RHBDL2: variants seen among roughly 807,000 people sequenced by gnomAD.
The protein encoded by RHBDL2 is rhomboid like 2, also known as rhomboid-related protein 2.
In RHBDL2, 26 loss-of-function variants were observed where a neutral mutation model predicts 31.7. The observed-to-expected ratio is 0.82, with a 90% confidence interval of 0.60 to 1.14. The LOEUF is 1.14. Among genes scored for constraint, RHBDL2 ranks in the 50% most tolerant of loss-of-function variants. The probability of loss-of-function intolerance (pLI) is 0.00; values close to 1 mark genes in which losing one functional copy is unlikely to be tolerated. For synonymous variants in RHBDL2, 123 were observed against 127.2 expected (o/e 0.97, Z 0.22); for missense variants, 336 against 364.4 (o/e 0.92, Z 0.63).
At chr1:38,911,107 G>C (rs1643135277) in intron 4 of RHBDL2, among the ~76,000 whole-genome samples, 3 of 152,174 alleles carry the variant, frequency 2.0e-5, no homozygotes, top group African/African-American at 7.2e-5. Context: ...ACCCTGTCTT[G>C]AGTGTGAGAT....
chr1:38,916,209 C>T (rs891344909), intron 2 of RHBDL2, among the ~76,000 whole-genome samples: 1 of 152,200 alleles, frequency 6.6e-6, no homozygotes, highest in Non-Finnish European at 1.5e-5. Context: ...ACATGATGTC[C>T]TCAACCTTCT....
intron 3 of RHBDL2, among the ~76,000 whole-genome samples, chr1:38,912,740 C>T (rs1161342794): frequency 2.0e-5 from 3 of 151,558 alleles, no homozygotes; most frequent in Non-Finnish European, 4.4e-5. Context: ...TTTTAAGTGC[C>T]TTACTATGTG....
intron 1 of RHBDL2, among the ~76,000 whole-genome samples, chr1:38,938,254 A>G (rs1265382359): frequency 6.6e-6 from 1 of 151,766 alleles, no homozygotes; most frequent in Non-Finnish European, 1.5e-5. Flanking sequence ...TGACCTTGTG[A>G]TCCGCCCGCC....
At chr1:38,934,484 G>A (rs1435867117) in intron 1 of RHBDL2, among the ~76,000 whole-genome samples, 6 of 151,422 alleles carry the variant, frequency 4.0e-5, no homozygotes, top group African/African-American at 7.3e-5. Flanking sequence ...GTGAAACCCC[G>A]TCTCTACTAA....
intron 1 of RHBDL2, among the ~76,000 whole-genome samples, chr1:38,936,246 T>G (rs575578834): frequency 3.9e-4 from 60 of 152,188 alleles, no homozygotes; most frequent in African/African-American, 1.4e-3. Context: ...TATGTTTTAT[T>G]TTCTGGCTTT....
chr1:38,940,390 A>G lies in RHBDL2; in HGVS notation c.-126+1292T>C, dbSNP rs188152550. On this transcript the variant is annotated intron_variant, in intron 1 of 7. Transcript: ENST00000372990. Reference sequence around the variant, plus strand: ...TCCCTTCTTTTTTATTTTATTTTTTAAAGACAAGGCCTCACTTTATTGCCC... The same window carrying G: ...TCCCTTCTTTTTTATTTTATTTTTTGAAGACAAGGCCTCACTTTATTGCCC... 2.8e-4 allele frequency among the ~76,000 whole-genome samples: 43 copies of G among 151,858 alleles called. No individual in the cohort carries two copies. The East Asian group carries it at 7.0e-3, about 25-fold the overall frequency.
rs1219227292 is a variant in RHBDL2 at position 38,918,951 on chromosome 1, C to T, written c.246+16G>A. ...CCATGCCACTTACCCCGGTGCCCAC[C>T]CCGCTCCCCATTCACCTCGGCCAGG... On this transcript the variant is annotated intron_variant, in intron 2 of 7. Transcript: ENST00000372990. 20 of 1,606,008 alleles carry T rather than the reference C, an allele frequency of 1.2e-5. No homozygotes were observed. Among genetic ancestry groups the T allele is most frequent in the Non-Finnish European group, 1.5e-5 (18 of 1,174,452 alleles).
At chr1:38,912,910 A>ATATATATATATG (rs1399583863) in intron 3 of RHBDL2, among the ~76,000 whole-genome samples, 1 of 41,392 alleles carries the variant, frequency 2.4e-5, no homozygotes, top group African/African-American at 9.2e-5. Context: ...ATATATATAT[A>ATATATATATATG]TGTGTGTGTG....
chr1:38,929,785 A>T (rs927196380), intron 1 of RHBDL2, among the ~76,000 whole-genome samples: 1 of 152,010 alleles, frequency 6.6e-6, no homozygotes, highest in African/African-American at 2.4e-5. Context: ...CCTTCATCAC[A>T]CTGCAAACCA....
At chr1:38,920,250 C>G (rs1040454791) in intron 1 of RHBDL2, among the ~76,000 whole-genome samples, 1 of 146,242 alleles carries the variant, frequency 6.8e-6, no homozygotes. Flanking sequence ...TCACTGGAAC[C>G]TCTGCCTCCC....
At chr1:38,915,829 G>A in intron 2 of RHBDL2, 119 bp from the exon 3 acceptor site, 2 of 851,600 alleles carry the variant, frequency 2.3e-6, no homozygotes, top group South Asian at 1.6e-5. Flanking sequence ...ACACCATAGT[G>A]CCAGAAGGTG....
chr1:38,936,933 C>T (rs1338278259), intron 1 of RHBDL2, among the ~76,000 whole-genome samples: 1 of 151,470 alleles, frequency 6.6e-6, no homozygotes, highest in Non-Finnish European at 1.5e-5. Context: ...CATGCCTGGC[C>T]GAGTATTCTC....
rs369384677 is a variant in RHBDL2 at position 38,919,260 on chromosome 1, C to T, written c.-48G>A. On this transcript the variant is annotated 5_prime_UTR_variant, in exon 2 of 8. Coordinates refer to ENST00000372990, the MANE Select transcript of RHBDL2 (RefSeq NM_017821.5). ...CCAGAAGGACATGAATCCCAGGGAA[C>T]AGCAGGTGGCCCTAGGTCCTCAGGC... The T allele has an allele frequency of 2.0e-5, 32 of 1,613,418 alleles. No homozygotes were observed. Among genetic ancestry groups the T allele is most frequent in the Admixed American group, 1.0e-4 (6 of 59,988 alleles).
intron 7 of RHBDL2, among the ~76,000 whole-genome samples, chr1:38,887,754 T>C (rs376891675): frequency 1.3e-5 from 2 of 152,152 alleles, no homozygotes; most frequent in South Asian, 4.1e-4. Flanking sequence ...GCTACCAATA[T>C]GGCAGGTGCA....
At chr1:38,894,692 T>TTTTTC (rs1642892733) in intron 5 of RHBDL2, among the ~76,000 whole-genome samples, 1 of 107,348 alleles carries the variant, frequency 9.3e-6, no homozygotes, top group Non-Finnish European at 1.9e-5. Context: ...TCTTTTCTTT[T>TTTTTC]TTTTCTTTTT....
rs547816623 is a variant in RHBDL2, at chr1:38,910,407, A to C, written c.508+915T>G. ...TCTAACAACTGCATGTAAATCTACA[A>C]TTATCGCAAAATTAAAAGTTTAATT... On this transcript the variant is annotated intron_variant, in intron 4 of 7. Coordinates refer to ENST00000372990, the MANE Select transcript of RHBDL2 (RefSeq NM_017821.5). 2.9e-4 allele frequency among the ~76,000 whole-genome samples: 44 copies of C among 152,334 alleles called. 1 individual carries two copies. The South Asian group carries it at 8.9e-3, about 31-fold the overall frequency.
intron 1 of RHBDL2, among the ~76,000 whole-genome samples, chr1:38,924,889 C>G (rs1014862563): frequency 1.4e-5 from 2 of 148,090 alleles, no homozygotes; most frequent in African/African-American, 5.0e-5. Context: ...TCAAGCAATT[C>G]TCCTGCCTCA....
At chr1:38,928,072 A>T (rs1643397099) in intron 1 of RHBDL2, among the ~76,000 whole-genome samples, 2 of 152,188 alleles carry the variant, frequency 1.3e-5, no homozygotes, top group African/African-American at 4.8e-5. Flanking sequence ...AGCCTTGGCA[A>T]CAGAGCAAGA....
chr1:38,938,285 G>A (rs1031684600), intron 1 of RHBDL2, among the ~76,000 whole-genome samples: 2 of 152,108 alleles, frequency 1.3e-5, no homozygotes, highest in Admixed American at 6.6e-5. Context: ...AAAGTGCTGG[G>A]ATTAGAGGCG....
Sources: gnomAD v4.1 joint callset for allele counts (sites outside exome capture counted in the v4.1 genomes callset) on GRCh38, gnomAD v4.1.1 for gene constraint, MANE v1.5 for transcripts, NCBI Gene and HGNC (gene_info 2026-07-23, HGNC 2026-07-21) for gene names.